GUCA1A: variants seen among roughly 807,000 people sequenced by gnomAD.
GUCA1A encodes the protein guanylate cyclase activator 1A.
A neutral mutation model predicts 18.5 loss-of-function variants in GUCA1A; 14 were observed. The ratio of observed to expected loss-of-function variants is 0.76; its 90% CI spans 0.50 to 1.18. GUCA1A has a LOEUF of 1.18. Ranked by LOEUF, GUCA1A falls within the 50% of genes most tolerant of loss-of-function variation. GUCA1A has a pLI of 0.00. For synonymous variants in GUCA1A, 97 were observed against 100.2 expected, an observed-to-expected ratio of 0.97 and a Z score of 0.19; for missense variants, 264 against 262.4, an observed-to-expected ratio of 1.01 and a Z score of -0.04.
chr6:42,177,459 C>T (rs1006111887), intron 1 of GUCA1A, among the ~76,000 whole-genome samples: 31 of 151,992 alleles, frequency 2.0e-4, no homozygotes, highest in African/African-American at 6.8e-4. Context: ...CCTGGGAATA[C>T]GGAGACTCAA....
rs869320710 is a variant in GUCA1A at position 42,178,398 on chromosome 6, T to C, written c.320T>C (p.Ile107Thr). The change falls in exon 2 of 4, where the codon ATT (isoleucine) becomes ACT (threonine). Residue 107 changes from isoleucine to threonine, a missense_variant. Transcript: ENST00000372958. Reference sequence around the variant, plus strand: ...TATGATGTAGATGGCAACGGCTGCATTGACCGCGATGAGCTGCTCACCATC... The same window carrying C: ...TATGATGTAGATGGCAACGGCTGCACTGACCGCGATGAGCTGCTCACCATC... ...KLYDVDGNGCIDRDELLTIIQ... is the reference protein window; with the variant it reads ...KLYDVDGNGCTDRDELLTIIQ... 2 of 1,614,134 alleles carry C rather than the reference T, an allele frequency of 1.2e-6. No individual in the cohort carries two copies. Among genetic ancestry groups the C allele is most frequent in the African/African-American group, 1.3e-5 (1 of 75,048 alleles).
In GUCA1A at chr6:42,178,649, T is replaced by C. The variant is rs766450593; in HGVS notation, c.352-153T>C. On this transcript the variant is annotated intron_variant, in intron 2 of 3. Transcript: ENST00000372958. ...TACCAAAAGACGATAGAAGTTTGACTCTTGAGTCCCAGCTCTGCCTAGGCC... is the reference window on the plus strand; with the variant it reads ...TACCAAAAGACGATAGAAGTTTGACCCTTGAGTCCCAGCTCTGCCTAGGCC... 1.2e-5 allele frequency: 10 copies of C among 820,526 alleles called. No homozygotes were observed. In the East Asian group the frequency reaches 2.4e-4, roughly 20 times the overall value. 50.8% of individuals were successfully genotyped at this position (820,526 alleles called of 1,614,324 possible). A position where few individuals can be genotyped will look rare whatever the true frequency, so the allele number is the denominator to read the frequency against.
At chr6:42,174,206 T>A (rs1191487995) in intron 1 of GUCA1A, among the ~76,000 whole-genome samples, 2 of 152,212 alleles carry the variant, frequency 1.3e-5, no homozygotes, top group East Asian at 3.8e-4. Context: ...TCCAAGATGG[T>A]CATTGAACAC....
chr6:42,178,480 G>T (rs747779196), intron 2 of GUCA1A, 51 bp downstream of exon 2: 1 of 1,496,766 alleles, frequency 6.7e-7, no homozygotes, highest in Non-Finnish European at 9.3e-7. Context: ...GTGGGACCCG[G>T]AACTGAGAGC....
At chr6:42,174,021 A>C (rs951718670) in intron 1 of GUCA1A, among the ~76,000 whole-genome samples, 1 of 152,226 alleles carries the variant, frequency 6.6e-6, no homozygotes, top group Non-Finnish European at 1.5e-5. Flanking sequence ...AATGAGCACC[A>C]ACTGTGAATC....
intron 1 of GUCA1A, among the ~76,000 whole-genome samples, chr6:42,175,029 C>T (rs955753661): frequency 1.1e-4 from 17 of 152,144 alleles, no homozygotes; most frequent in African/African-American, 4.1e-4. Context: ...ATGAGGGAGC[C>T]CAAGGGCTTT....
At position 42,179,165 on chromosome 6, in the gene GUCA1A, G is replaced by A. The variant is rs1768044779; in HGVS notation, c.446-78G>A. ...TCACGTGGGCTCTGTCCCTGCCCCT[G>A]GCAAGAACCCGGTTCTGTGCTCTGG... On this transcript the variant is annotated intron_variant, in intron 3 of 3. Transcript: ENST00000372958. 4.3e-6 allele frequency: 6 copies of A among 1,384,560 alleles called. No individual in the cohort carries two copies. The South Asian group carries it at 5.8e-5, about 13-fold the overall frequency. 85.8% of individuals were successfully genotyped at this position (1,384,560 alleles called of 1,614,324 possible).
intron 2 of GUCA1A, 117 bp from the exon 3 acceptor site, chr6:42,178,685 C>A: frequency 1.1e-6 from 1 of 881,516 alleles, no homozygotes; most frequent in East Asian, 2.4e-5. Flanking sequence ...CCCGGGTACC[C>A]TGCACTCTAC....
chr6:42,178,246 G>T lies in GUCA1A; in HGVS notation c.202-34G>T, dbSNP rs372354947. 20 of 1,612,092 alleles carry T rather than the reference G, an allele frequency of 1.2e-5. No individual in the cohort carries two copies. The African/African-American group carries it at 2.7e-4, about 22-fold the overall frequency. On this transcript the variant is annotated intron_variant, in intron 1 of 3. Coordinates refer to ENST00000372958, the MANE Select transcript of GUCA1A (RefSeq NM_001384910.1). The stretch of plus-strand genomic sequence containing the variant: ...CCTGAGGCTGGAGTGAGCGGGGCCC[G>T]GATGGGCTCACGGCGGCCGCGCCCC...
chr6:42,178,872 C>T lies in GUCA1A; in HGVS notation c.422C>T (p.Ser141Phe), dbSNP rs1768034678. The T allele has an allele frequency of 6.2e-7, 1 of 1,613,386 alleles. No homozygotes were observed. Among genetic ancestry groups the T allele is most frequent in the Non-Finnish European group, 8.5e-7 (1 of 1,179,442 alleles). Reference sequence around the variant, plus strand: ...GAGGAGTTCACCGATACAGTGTTCTCCAAGATTGACGTCAACGGGGATGGT... The same window carrying T: ...GAGGAGTTCACCGATACAGTGTTCTTCAAGATTGACGTCAACGGGGATGGT... ...TAEEFTDTVF[S>F]KIDVNGDGEL... Residue 141 changes from serine to phenylalanine, a missense_variant, in exon 3 of 4, where the codon TCC (serine) becomes TTC (phenylalanine). By Grantham distance (155) the Ser-to-Phe change is radical. Transcript: ENST00000372958.
chr6:42,178,240 G>A (rs1278492437), intron 1 of GUCA1A, 40 bp from the exon 2 acceptor site: 3 of 1,611,436 alleles, frequency 1.9e-6, no homozygotes, highest in Non-Finnish European at 2.5e-6. Context: ...GGAGTGAGCG[G>A]GGCCCGGATG....
chr6:42,178,611 G>A, intron 2 of GUCA1A, 182 bp downstream of exon 2: 1 of 813,852 alleles, frequency 1.2e-6, no homozygotes, highest in South Asian at 1.4e-5. Flanking sequence ...CTTGGCCTCA[G>A]TTTCCTCATC....
chr6:42,179,163 C>A, intron 3 of GUCA1A, 80 bp from the exon 4 acceptor site: 1 of 1,366,768 alleles, frequency 7.3e-7, no homozygotes, highest in Non-Finnish European at 1.0e-6. Flanking sequence ...GTCCCTGCCC[C>A]TGGCAAGAAC....
rs758790042 is a variant in GUCA1A, at chr6:42,179,427, A to C, written c.*24A>C. The C allele has an allele frequency of 6.5e-7, 1 of 1,546,966 alleles. No individual in the cohort carries two copies. The highest frequency in any genetic ancestry group is 1.2e-5 in the South Asian group (1 of 83,236). Reference sequence around the variant, plus strand: ...GAGTGCACCGCCCGGCTGCTTCTGCACTAGCGGGTGGGGTGGTATGGTGGT... The same window carrying C: ...GAGTGCACCGCCCGGCTGCTTCTGCCCTAGCGGGTGGGGTGGTATGGTGGT... On this transcript the variant is annotated 3_prime_UTR_variant, in exon 4 of 4. Transcript: ENST00000372958.
At chr6:42,176,122 T>C (rs565396882) in intron 1 of GUCA1A, among the ~76,000 whole-genome samples, 1 of 152,306 alleles carries the variant, frequency 6.6e-6, no homozygotes, top group East Asian at 1.9e-4. Flanking sequence ...GAATCCCTGG[T>C]TCCTAGAACA....
chr6:42,177,472 T>A (rs1316068206), intron 1 of GUCA1A, among the ~76,000 whole-genome samples: 1 of 152,002 alleles, frequency 6.6e-6, no homozygotes, highest in East Asian at 1.9e-4. Context: ...AGACTCAAGG[T>A]CATGTGACTT....
At chr6:42,178,916 C>G in intron 3 of GUCA1A, 21 bp downstream of exon 3, 1 of 1,567,414 alleles carries the variant, frequency 6.4e-7, no homozygotes, top group Non-Finnish European at 8.8e-7. Context: ...CGAGGAGGGG[C>G]TCCCCAGCGG....
chr6:42,179,900 T>C lies in GUCA1A; in HGVS notation c.*497T>C, dbSNP rs780275035. On this transcript the variant is annotated 3_prime_UTR_variant, in exon 4 of 4. Coordinates refer to ENST00000372958, the MANE Select transcript of GUCA1A (RefSeq NM_001384910.1). The stretch of plus-strand genomic sequence containing the variant: ...ACTTGTGCGCTTTGCATTTCATTGA[T>C]TGACGCCTCCCTTCAACAAGCATTT... The C allele has an allele frequency of 6.5e-6, 1 of 152,992 alleles. No individual in the cohort carries two copies. Among genetic ancestry groups the C allele is most frequent in the Admixed American group, 6.5e-5 (1 of 15,306 alleles). The allele number at this position is 152,992 out of a possible 1,614,324, so 9.5% of individuals were successfully genotyped here.
At chr6:42,177,213 T>C (rs954339429) in intron 1 of GUCA1A, among the ~76,000 whole-genome samples, 7 of 152,314 alleles carry the variant, frequency 4.6e-5, no homozygotes, top group Middle Eastern at 3.4e-3. Flanking sequence ...GGAGAGGCTT[T>C]GTCATTCACT....
Sources: gnomAD v4.1 joint callset for allele counts (sites outside exome capture counted in the v4.1 genomes callset) on GRCh38, gnomAD v4.1.1 for gene constraint, MANE v1.5 for transcripts, NCBI Gene and HGNC (gene_info 2026-07-23, HGNC 2026-07-21) for gene names.